RNF216: variants seen among roughly 807,000 people sequenced by gnomAD.
RNF216 encodes ring finger protein 216.
Under a neutral mutation model 110.8 loss-of-function variants are expected in RNF216, and 72 were observed. The ratio of observed to expected loss-of-function variants is 0.65; its 90% CI spans 0.54 to 0.79. RNF216 has a LOEUF of 0.79. Ranked by LOEUF, RNF216 falls within the 30% of genes least tolerant of loss-of-function variation. The probability of loss-of-function intolerance (pLI) is 0.00; values close to 1 mark genes in which losing one functional copy is unlikely to be tolerated. For synonymous variants in RNF216, 495 were observed against 407.5 expected (o/e 1.21, Z -2.59); for missense variants, 1,342 against 1,141.2 (o/e 1.18, Z -2.54).
rs1278636344 is a variant in RNF216, at chr7:5,701,122, C to A, written c.2061+10639G>T. ...GGAGCACACACACGACAGCCTCCCC[C>A]AGCACGTGGCTCTCCCCAGGTTGCA... On this transcript the variant is annotated intron_variant, in intron 13 of 16. Transcript: ENST00000389902. Among the ~76,000 whole-genome samples, 3 of 152,284 alleles carry A rather than the reference C, an allele frequency of 2.0e-5. No homozygotes were observed. In the East Asian group the frequency reaches 5.8e-4, roughly 29 times the overall value.
intron 1 of RNF216, among the ~76,000 whole-genome samples, chr7:5,768,373 A>ACC (rs1796318596): frequency 6.7e-6 from 1 of 150,214 alleles, no homozygotes; most frequent in Non-Finnish European, 1.5e-5. Flanking sequence ...ACACACACAC[A>ACC]CACACACACA....
chr7:5,692,230 C>G (rs1791381094), intron 13 of RNF216, among the ~76,000 whole-genome samples: 1 of 152,224 alleles, frequency 6.6e-6, no homozygotes, highest in Non-Finnish European at 1.5e-5. Flanking sequence ...TATATGTACA[C>G]TGCCTTCTAA....
intron 1 of RNF216, among the ~76,000 whole-genome samples, chr7:5,767,547 C>A (rs1183093102): frequency 6.6e-6 from 1 of 151,934 alleles, no homozygotes; most frequent in Non-Finnish European, 1.5e-5. Context: ...AATCCAACAG[C>A]AGAGAAGCTA....
At chr7:5,661,140 A>C (rs1364554901) in intron 13 of RNF216, among the ~76,000 whole-genome samples, 1 of 151,740 alleles carries the variant, frequency 6.6e-6, no homozygotes, top group African/African-American at 2.4e-5. Flanking sequence ...GGGTTTCGCC[A>C]CATTGACCAG....
intron 8 of RNF216, among the ~76,000 whole-genome samples, chr7:5,721,999 T>C (rs1419775863): frequency 6.6e-6 from 1 of 152,230 alleles, no homozygotes; most frequent in Non-Finnish European, 1.5e-5. Flanking sequence ...CACAGATCAC[T>C]GCAGCCTCAA....
intron 5 of RNF216, among the ~76,000 whole-genome samples, chr7:5,738,586 T>C (rs986643267): frequency 1.2e-4 from 18 of 151,462 alleles, no homozygotes; most frequent in Non-Finnish European, 2.4e-4. Flanking sequence ...CAGGCGCCTG[T>C]AGTCCCAGCT....
At chr7:5,759,751 C>T (rs551927214) in intron 2 of RNF216, among the ~76,000 whole-genome samples, 122 of 151,486 alleles carry the variant, frequency 8.1e-4, no homozygotes, top group Non-Finnish European at 1.3e-3. Flanking sequence ...CCTGCCTCAG[C>T]CTCCCAAGTA....
chr7:5,674,889 C>T (rs757793469), intron 13 of RNF216, among the ~76,000 whole-genome samples: 2 of 151,826 alleles, frequency 1.3e-5, no homozygotes, highest in African/African-American at 2.4e-5. Flanking sequence ...CCCAGCTACT[C>T]GGGAGGCTGA....
At chr7:5,712,552 A>T (rs1444184955) in intron 12 of RNF216, among the ~76,000 whole-genome samples, 163 bp downstream of exon 12, 1 of 152,186 alleles carries the variant, frequency 6.6e-6, no homozygotes, top group African/African-American at 2.4e-5. Context: ...GAGGCGTAAA[A>T]AATAAAAATA....
chr7:5,741,219 C>A lies in RNF216; in HGVS notation c.798G>T (p.Gln266His), dbSNP rs1036839657. 21 of 1,614,026 alleles carry A rather than the reference C, an allele frequency of 1.3e-5. No homozygotes were observed. The highest frequency in any genetic ancestry group is 1.5e-5 in the Non-Finnish European group (18 of 1,180,030). ...PEAELGRLLF[Q>H]HEFPGPAFPR... ...GAAAAGCGGGCCCTGGGAATTCATG[C>A]TGAAACAACAAGCGGCCCAGTTCTG... Residue 266 changes from glutamine to histidine, a missense_variant, in exon 4 of 17, where the codon CAG (glutamine) becomes CAT (histidine). Transcript: ENST00000389902.
chr7:5,626,083 C>T (rs1218665206), intron 15 of RNF216, among the ~76,000 whole-genome samples: 4 of 152,202 alleles, frequency 2.6e-5, no homozygotes, highest in Admixed American at 2.6e-4. Context: ...TCAAGAGTTG[C>T]AAAGTGCCCA....
chr7:5,761,560 G>A (rs945310024), intron 1 of RNF216, among the ~76,000 whole-genome samples: 94 of 152,286 alleles, frequency 6.2e-4, no homozygotes, highest in African/African-American at 2.2e-3. Context: ...GGCCGAGGCG[G>A]GCAGGTCATG....
intron 5 of RNF216, among the ~76,000 whole-genome samples, chr7:5,733,584 G>C (rs573560744): frequency 7.5e-5 from 11 of 147,368 alleles, no homozygotes; most frequent in South Asian, 4.3e-4. Flanking sequence ...AATGAGCTAA[G>C]TTTATACTTT....
At position 5,624,812 on chromosome 7, in the gene RNF216, G is replaced by C. The variant is rs1299633627; in HGVS notation, c.2383-687C>G. ...GTGAGTGCAGGCAGATGTGGGAGCT[G>C]TGCTGGGAAACTCAGGGGCCACACT... On this transcript the variant is annotated intron_variant, in intron 15 of 16. Coordinates refer to ENST00000389902, the MANE Select transcript of RNF216 (RefSeq NM_207111.4). This position sits in a 1 kb window ranked among gnomAD's most constrained non-coding sequence, Gnocchi z 4.4. 1.3e-5 allele frequency among the ~76,000 whole-genome samples: 2 copies of C among 152,234 alleles called. No individual in the cohort carries two copies. Among genetic ancestry groups the C allele is most frequent in the African/African-American group, 4.8e-5 (2 of 41,466 alleles).
rs140369462 is a variant in RNF216, at chr7:5,643,455, G to C, written c.2160-2079C>G. On this transcript the variant is annotated intron_variant, in intron 14 of 16. Transcript: ENST00000389902. ...AAGAGAAGCCGGAGCTGTGACTGTG[G>C]TTGCTGACCTTGCGCTCACACAGGA... 2.0e-3 allele frequency among the ~76,000 whole-genome samples: 310 copies of C among 151,842 alleles called. 1 individual carries two copies. The highest frequency in any genetic ancestry group is 6.8e-3 in the Middle Eastern group (2 of 294).
At chr7:5,638,036 C>T (rs905268930) in intron 15 of RNF216, among the ~76,000 whole-genome samples, 1 of 152,096 alleles carries the variant, frequency 6.6e-6, no homozygotes, top group East Asian at 1.9e-4. Context: ...TTGGATGGGC[C>T]CCACACCCTC....
chr7:5,703,981 T>G (rs981236569), intron 13 of RNF216, among the ~76,000 whole-genome samples: 6 of 152,226 alleles, frequency 3.9e-5, no homozygotes, highest in Admixed American at 1.3e-4. Context: ...TGTAACACTC[T>G]TCAGTCTCAC....
At chr7:5,628,906 T>A (rs904571870) in intron 15 of RNF216, among the ~76,000 whole-genome samples, 2 of 151,934 alleles carry the variant, frequency 1.3e-5, no homozygotes, top group African/African-American at 4.8e-5. Flanking sequence ...AAGTCAAGAG[T>A]GAAGACAGGC....
At chr7:5,716,598 C>T in intron 10 of RNF216, 118 bp downstream of exon 10, 1 of 716,106 alleles carries the variant, frequency 1.4e-6, no homozygotes, top group South Asian at 1.9e-5. Context: ...GAACTGCAAA[C>T]TCACCAAACA....
Sources: gnomAD v4.1 joint callset for allele counts (sites outside exome capture counted in the v4.1 genomes callset) on GRCh38, gnomAD v4.1.1 for gene constraint, Gnocchi (gnomAD v3.1) non-coding constraint, MANE v1.5 for transcripts, NCBI Gene and HGNC (gene_info 2026-07-23, HGNC 2026-07-21) for gene names.